Variants in SUPT3H observed in about 807,000 individuals in gnomAD.
SUPT3H encodes SPT3 homolog, SAGA and STAGA complex component, also known as transcription initiation protein SPT3 homolog.
In SUPT3H, 44 loss-of-function variants were observed where a neutral mutation model predicts 44.3. The ratio of observed to expected loss-of-function variants is 0.99; its 90% CI spans 0.78 to 1.28. SUPT3H has a LOEUF of 1.28. Ranked by LOEUF, SUPT3H falls within the 50% of genes most tolerant of loss-of-function variation. The probability of loss-of-function intolerance (pLI) is 0.00; values close to 1 mark genes in which losing one functional copy is unlikely to be tolerated. For missense variants in SUPT3H, 380 were observed against 387.1 expected (o/e 0.98, Z 0.15); for synonymous variants, 124 against 125.6 (o/e 0.99, Z 0.09).
chr6:45,190,271 A>G (rs1699215455), intron 2 of SUPT3H, among the ~76,000 whole-genome samples: 1 of 152,188 alleles, frequency 6.6e-6, no homozygotes, highest in Admixed American at 6.5e-5. Flanking sequence ...CTTGAAAAAG[A>G]TTCAAATTCC....
rs137926977 is a variant in SUPT3H, at chr6:45,216,708, G to A, written c.102-110702C>T. Among the ~76,000 whole-genome samples, 70 of 152,174 alleles carry A rather than the reference G, an allele frequency of 4.6e-4. No individual in the cohort carries two copies. In the East Asian group the frequency reaches 0.012, roughly 26 times the overall value. ...CAAAATAGTAAAAAGAGACAATGAA[G>A]GTCATTACGTAATGATAAATGGATC... is the stretch of plus-strand genomic sequence containing the variant. On this transcript the variant is annotated intron_variant, in intron 2 of 10. Coordinates refer to ENST00000371459, the MANE Select transcript of SUPT3H (RefSeq NM_003599.4).
chr6:45,086,140 C>T (rs1796445840), intron 3 of SUPT3H, among the ~76,000 whole-genome samples: 1 of 152,006 alleles, frequency 6.6e-6, no homozygotes, highest in Admixed American at 6.6e-5. Context: ...TAAAAATTTT[C>T]ATCCTATTAG....
Position 44,903,363 on chromosome 6 carries a change from C to G in SUPT3H, c.912+29290G>C, listed in dbSNP as rs569431379. Among the ~76,000 whole-genome samples the G allele has an allele frequency of 5.3e-5, 8 of 152,204 alleles. No homozygotes were observed. In the South Asian group the frequency reaches 1.7e-3, roughly 32 times the overall value. ...ATAAAGGGGATATTACCACTGATCC[C>G]ACAGAAATACAAACTACCATCAGAG... On this transcript the variant is annotated intron_variant, in intron 10 of 10. Coordinates refer to ENST00000371459, the MANE Select transcript of SUPT3H (RefSeq NM_003599.4).
intron 6 of SUPT3H, among the ~76,000 whole-genome samples, chr6:44,978,309 C>T (rs576712020): frequency 2.4e-4 from 37 of 152,244 alleles, no homozygotes; most frequent in African/African-American, 8.7e-4. Flanking sequence ...TTCTAAGATG[C>T]AGGTCCAGAT....
chr6:44,850,416 T>A (rs2153421103), intron 10 of SUPT3H, among the ~76,000 whole-genome samples: 1 of 152,270 alleles, frequency 6.6e-6, no homozygotes, highest in East Asian at 1.9e-4. Context: ...GCAGGTCAAA[T>A]CCAGATGTAT....
chr6:45,233,743 G>C (rs1277148357), intron 2 of SUPT3H, among the ~76,000 whole-genome samples: 1 of 152,108 alleles, frequency 6.6e-6, no homozygotes, highest in Non-Finnish European at 1.5e-5. Context: ...TCTTCTTTCT[G>C]GAGAGGATGT....
chr6:45,351,832 C>T (rs1387753362), intron 2 of SUPT3H, among the ~76,000 whole-genome samples: 2 of 152,168 alleles, frequency 1.3e-5, no homozygotes, highest in African/African-American at 2.4e-5. Context: ...TTTCCCAGCC[C>T]TATGCCCAGC....
Position 45,043,182 on chromosome 6 carries a change from A to ACACACAC in SUPT3H, c.187-22551_187-22550insGTGTGTG, listed in dbSNP as rs1562325647. 3.3e-4 allele frequency among the ~76,000 whole-genome samples: 38 copies of ACACACAC among 114,904 alleles called. 1 individual carries two copies. The highest frequency in any genetic ancestry group is 1.2e-3 in the African/African-American group (37 of 30,198). The allele number at this position is 114,904 out of a possible 152,430, so 75.4% of individuals were successfully genotyped here. A position where few individuals can be genotyped will look rare whatever the true frequency, so the allele number is the denominator to read the frequency against. On this transcript the variant is annotated intron_variant, in intron 3 of 10. Coordinates refer to ENST00000371459, the MANE Select transcript of SUPT3H (RefSeq NM_003599.4). ...ACACACACACACACGCACACACACA[A>ACACACAC]ACACCAAAACCAAGGCAAATTACAA...
chr6:44,992,559 T>C (rs925722342), intron 6 of SUPT3H, among the ~76,000 whole-genome samples: 1 of 152,174 alleles, frequency 6.6e-6, no homozygotes, highest in African/African-American at 2.4e-5. Flanking sequence ...AAGATACTTG[T>C]GAATATCAGA....
intron 2 of SUPT3H, among the ~76,000 whole-genome samples, chr6:45,265,852 AC>A (rs1466415309): frequency 6.6e-6 from 1 of 152,092 alleles, no homozygotes; most frequent in Admixed American, 6.6e-5. Context: ...TAAAAAGATC[AC>A]ACTATAACAA....
chr6:45,308,383 G>C (rs1783430408), intron 2 of SUPT3H, among the ~76,000 whole-genome samples: 1 of 152,204 alleles, frequency 6.6e-6, no homozygotes, highest in Non-Finnish European at 1.5e-5. Flanking sequence ...AAGACCATCA[G>C]ACTAACAGCT....
At chr6:44,938,043 C>CT (rs1248665816) in intron 9 of SUPT3H, among the ~76,000 whole-genome samples, 8 of 149,070 alleles carry the variant, frequency 5.4e-5, no homozygotes, top group African/African-American at 2.5e-5. Flanking sequence ...CTGTCACTAT[C>CT]TTATTTCTTT....
At chr6:44,894,828 T>C (rs1384112409) in intron 10 of SUPT3H, among the ~76,000 whole-genome samples, 3 of 151,720 alleles carry the variant, frequency 2.0e-5, no homozygotes, top group Non-Finnish European at 4.4e-5. Context: ...GAGTGTTTCA[T>C]AGGGCAATAA....
chr6:45,228,657 T>A (rs931211078), intron 2 of SUPT3H, among the ~76,000 whole-genome samples: 12 of 151,206 alleles, frequency 7.9e-5, no homozygotes, highest in African/African-American at 1.9e-4. Context: ...ATAAAAAAAA[T>A]TTTTTTTTTG....
intron 2 of SUPT3H, among the ~76,000 whole-genome samples, chr6:45,156,738 G>GT (rs964789804): frequency 6.6e-6 from 1 of 151,074 alleles, no homozygotes; most frequent in African/African-American, 2.4e-5. Flanking sequence ...AAAACCCTTG[G>GT]TTTTCTCTTA....
At chr6:45,221,070 G>A (rs1341728925) in intron 2 of SUPT3H, among the ~76,000 whole-genome samples, 1 of 152,188 alleles carries the variant, frequency 6.6e-6, no homozygotes, top group Non-Finnish European at 1.5e-5. Context: ...CATGTCCTTT[G>A]TAGGGACATG....
intron 2 of SUPT3H, among the ~76,000 whole-genome samples, chr6:45,239,689 G>A (rs1020175151): frequency 6.6e-6 from 1 of 152,148 alleles, no homozygotes; most frequent in African/African-American, 2.4e-5. Flanking sequence ...ACAGTGATAG[G>A]CATTACAGCT....
intron 10 of SUPT3H, among the ~76,000 whole-genome samples, chr6:44,831,843 T>C (rs1422680397): frequency 6.6e-6 from 1 of 152,170 alleles, no homozygotes; most frequent in African/African-American, 2.4e-5. Context: ...AAGGTCACTT[T>C]TGAAAGATCG....
chr6:45,032,703 A>G (rs1170238645), intron 3 of SUPT3H, among the ~76,000 whole-genome samples: 2 of 152,178 alleles, frequency 1.3e-5, no homozygotes, highest in Non-Finnish European at 2.9e-5. Context: ...AAAGTGAGAC[A>G]TCACTGTCTC....
Sources: gnomAD v4.1 joint callset for allele counts (sites outside exome capture counted in the v4.1 genomes callset) on GRCh38, gnomAD v4.1.1 for gene constraint, MANE v1.5 for transcripts, NCBI Gene and HGNC (gene_info 2026-07-23, HGNC 2026-07-21) for gene names.